Variants in ADAM12 observed in about 807,000 individuals in gnomAD.
ADAM12 encodes the protein disintegrin and metalloproteinase domain-containing protein 12.
In ADAM12, 70 loss-of-function variants were observed where a neutral mutation model predicts 106.4. The observed-to-expected ratio is 0.66, with a 90% confidence interval of 0.54 to 0.80. ADAM12 has a LOEUF of 0.80. Ranked by LOEUF, ADAM12 falls within the 30% of genes least tolerant of loss-of-function variation. ADAM12 has a pLI of 0.00. For missense variants in ADAM12, 1,010 were observed against 1,171.9 expected, an observed-to-expected ratio of 0.86 and a Z score of 2.02; for synonymous variants, 420 against 433.5, an observed-to-expected ratio of 0.97 and a Z score of 0.39.
chr10:126,245,005 AGGGGAGG>A (rs1958601366), intron 3 of ADAM12, among the ~76,000 whole-genome samples: 1 of 152,216 alleles, frequency 6.6e-6, no homozygotes, highest in Non-Finnish European at 1.5e-5. Context: ...GTACATGATC[AGGGGAGG>A]GGCTTGCACC....
chr10:126,292,898 T>C (rs1264607810), intron 2 of ADAM12, among the ~76,000 whole-genome samples: 1 of 152,192 alleles, frequency 6.6e-6, no homozygotes, highest in African/African-American at 2.4e-5. Flanking sequence ...CAGGAAAGCA[T>C]CAAAATCGCC....
intron 3 of ADAM12, among the ~76,000 whole-genome samples, chr10:126,226,211 T>TGGGGGGGGGGGGGGGGGGGGGGGGG (rs1565151047): frequency 3.5e-5 from 2 of 56,622 alleles, no homozygotes; most frequent in African/African-American, 6.7e-5. Context: ...GCGGGGGGAG[T>TGGGGGGGGGGGGGGGGGGGGGGGGG]GGGGTGGGAG....
chr10:126,325,174 C>T lies in ADAM12; in HGVS notation c.186+5238G>A, dbSNP rs1052311783. ...ACATGAGAACGGGGTCTCAGGAGCC[C>T]AAAGAAGAGAGGAGTTCAGAGGAGG... On this transcript the variant is annotated intron_variant, in intron 2 of 22. Transcript: ENST00000448723. Among the ~76,000 whole-genome samples the T allele has an allele frequency of 7.2e-5, 11 of 152,064 alleles. No homozygotes were observed. In the South Asian group the frequency reaches 1.0e-3, roughly 14 times the overall value.
intron 2 of ADAM12, among the ~76,000 whole-genome samples, chr10:126,300,722 G>A (rs1960582875): frequency 6.6e-6 from 1 of 151,906 alleles, no homozygotes; most frequent in African/African-American, 2.4e-5. Context: ...TGACCCTACT[G>A]GAGAATAAAA....
At chr10:126,360,337 T>C (rs1212390006) in intron 1 of ADAM12, among the ~76,000 whole-genome samples, 1 of 152,196 alleles carries the variant, frequency 6.6e-6, no homozygotes, top group East Asian at 1.9e-4. Flanking sequence ...TTTTCTTATC[T>C]ATTGCATTGT....
At chr10:126,160,122 G>C (rs568678640) in intron 3 of ADAM12, among the ~76,000 whole-genome samples, 1 of 152,208 alleles carries the variant, frequency 6.6e-6, no homozygotes, top group South Asian at 2.1e-4. Flanking sequence ...GAAGACAAGA[G>C]AGGGGAAGGG....
At chr10:126,082,361 C>CTTTTTTTT (rs1955236644) in intron 11 of ADAM12, among the ~76,000 whole-genome samples, 2 of 50,020 alleles carry the variant, frequency 4.0e-5, no homozygotes, top group Admixed American at 2.3e-4. Context: ...AATCTAATGA[C>CTTTTTTTT]TGTTTTTTTT....
intron 3 of ADAM12, among the ~76,000 whole-genome samples, chr10:126,185,892 G>A (rs1267338630): frequency 2.0e-5 from 3 of 152,184 alleles, no homozygotes; most frequent in African/African-American, 7.2e-5. Flanking sequence ...AAAAATATCT[G>A]AAGATTAGCC....
intron 3 of ADAM12, among the ~76,000 whole-genome samples, chr10:126,237,364 A>G (rs1565158336): frequency 6.6e-6 from 1 of 151,364 alleles, no homozygotes; most frequent in Non-Finnish European, 1.5e-5. Context: ...TTATTCTCAG[A>G]AAAATAGAGG....
chr10:126,158,829 C>T (rs146599450), intron 3 of ADAM12, among the ~76,000 whole-genome samples: 124 of 119,354 alleles, frequency 1.0e-3, no homozygotes, highest in Non-Finnish European at 1.8e-3. Flanking sequence ...GCGCAGAGCA[C>T]GGGGAGTAGA....
At chr10:126,380,807 T>C (rs1856461584) in intron 1 of ADAM12, among the ~76,000 whole-genome samples, 1 of 152,252 alleles carries the variant, frequency 6.6e-6, no homozygotes, top group East Asian at 1.9e-4. Flanking sequence ...TATAGCTCCC[T>C]GTGGGCACAC....
intron 2 of ADAM12, among the ~76,000 whole-genome samples, chr10:126,291,734 G>T (rs115216271): frequency 4.7e-3 from 711 of 152,234 alleles, no homozygotes; most frequent in Non-Finnish European, 8.5e-3. Context: ...CAGGGCTCGG[G>T]GGGTGATGGA....
intron 1 of ADAM12, among the ~76,000 whole-genome samples, chr10:126,362,711 T>G (rs1458958650): frequency 6.6e-6 from 1 of 152,216 alleles, no homozygotes; most frequent in African/African-American, 2.4e-5. Context: ...CTGTGTGTTC[T>G]CATTTATATG....
At chr10:126,038,049 T>A (rs1442269280) in intron 20 of ADAM12, among the ~76,000 whole-genome samples, 192 bp downstream of exon 20, 2 of 152,148 alleles carry the variant, frequency 1.3e-5, no homozygotes, top group African/African-American at 4.8e-5. Context: ...TAGGTGGGCT[T>A]CCATGGGGGC....
At chr10:126,382,288 T>A (rs1392219425) in intron 1 of ADAM12, among the ~76,000 whole-genome samples, 2 of 152,218 alleles carry the variant, frequency 1.3e-5, no homozygotes, top group Non-Finnish European at 2.9e-5. Flanking sequence ...AGGTGTTGCC[T>A]GTCCTACTCC....
chr10:126,069,243 T>C (rs1178123185), intron 12 of ADAM12, among the ~76,000 whole-genome samples: 1 of 152,146 alleles, frequency 6.6e-6, no homozygotes, highest in Non-Finnish European at 1.5e-5. Context: ...AAACTATTAT[T>C]TTCTAATAAT....
chr10:126,050,587 C>T lies in ADAM12; in HGVS notation c.1610-918G>A, dbSNP rs74158093. On this transcript the variant is annotated intron_variant, in intron 14 of 22. Transcript: ENST00000448723. ...CCGACACTCCAGAGCCTCACTCTGA[C>T]TCCTGCCCTTCTCTGCTCTCCACCC... 5.3e-3 allele frequency among the ~76,000 whole-genome samples: 805 copies of T among 152,354 alleles called. 11 individuals are homozygous for T. Among genetic ancestry groups the T allele is most frequent in the African/African-American group, 0.019 (770 of 41,572 alleles).
chr10:126,229,087 T>C (rs748644900), intron 3 of ADAM12, among the ~76,000 whole-genome samples: 38 of 152,324 alleles, frequency 2.5e-4, no homozygotes, highest in South Asian at 2.1e-4. Flanking sequence ...GAAACACTTC[T>C]GCAGGGAGCC....
At chr10:126,133,461 A>G (rs1447528712) in intron 5 of ADAM12, among the ~76,000 whole-genome samples, 1 of 152,124 alleles carries the variant, frequency 6.6e-6, no homozygotes, top group Non-Finnish European at 1.5e-5. Context: ...CTCGACTCTC[A>G]CAAAAGTTGC....
Sources: allele counts gnomAD v4.1 joint callset (sites outside exome capture counted in the v4.1 genomes callset), GRCh38; gene constraint gnomAD v4.1.1; transcripts MANE v1.5; gene names NCBI Gene and HGNC (gene_info 2026-07-23, HGNC 2026-07-21).